The following RDH13 variants were observed in gnomAD, a reference collection of about 807,000 sequenced individuals.
RDH13 encodes the protein retinol dehydrogenase 13 (all-trans and 9-cis).
In RDH13, 35 loss-of-function variants were observed where a neutral mutation model predicts 28.3. The observed-to-expected ratio is 1.24, with a 90% CI of 0.95 to 1.64. The LOEUF is 1.64. Ranked by LOEUF, RDH13 falls within the 40% of genes most tolerant of loss-of-function variation. The pLI is 0.00. For synonymous variants in RDH13, 229 were observed against 198.5 expected (o/e 1.15, Z -1.29); for missense variants, 514 against 446.3 (o/e 1.15, Z -1.37).
At position 55,048,276 on chromosome 19, in the gene RDH13, C is replaced by T. The variant is rs578096263; in HGVS notation, c.658+53G>A. On this transcript the variant is annotated intron_variant, in intron 5 of 6. Coordinates refer to ENST00000415061, the MANE Select transcript of RDH13 (RefSeq NM_001145971.2). ...CATCAGCCTAGGATCATGGAAAGGCCGCTCTAGGCTCAGAGTAAAGCAAGA... is the reference window on the plus strand; with the variant it reads ...CATCAGCCTAGGATCATGGAAAGGCTGCTCTAGGCTCAGAGTAAAGCAAGA... 159 of 1,607,618 alleles carry T rather than the reference C, an allele frequency of 9.9e-5. No homozygotes were observed. The African/African-American group carries it at 1.2e-3, about 13-fold the overall frequency.
intron 3 of RDH13, among the ~76,000 whole-genome samples, chr19:55,049,092 T>C (rs957111681): frequency 6.6e-6 from 1 of 151,992 alleles, no homozygotes; most frequent in African/African-American, 2.4e-5. Context: ...TTATGGCCCG[T>C]CTCACAGGTC....
At chr19:55,062,552 C>T (rs2075839324) in intron 1 of RDH13, among the ~76,000 whole-genome samples, 1 of 151,822 alleles carries the variant, frequency 6.6e-6, no homozygotes, top group African/African-American at 2.4e-5. Flanking sequence ...CGTGGTGGCG[C>T]ACGTGTGATC....
At chr19:55,050,113 T>A (rs10426936) in intron 3 of RDH13, among the ~76,000 whole-genome samples, 10,918 of 63,762 alleles carry the variant, frequency 0.17, 555 homozygotes, top group East Asian at 0.46. Context: ...CCCCAGCCTA[T>A]TTTTTTTTTT....
At chr19:55,055,736 C>T (rs1314388176) in intron 3 of RDH13, among the ~76,000 whole-genome samples, 1 of 151,896 alleles carries the variant, frequency 6.6e-6, no homozygotes, top group African/African-American at 2.4e-5. Context: ...GCCTGTACTC[C>T]CAGCTACTTG....
In RDH13 at chr19:55,056,389, C is replaced by A. The variant is rs145073843; in HGVS notation, c.340+264G>T. On this transcript the variant is annotated intron_variant, in intron 3 of 6. Coordinates refer to ENST00000415061, the MANE Select transcript of RDH13 (RefSeq NM_001145971.2). Reference sequence around the variant, plus strand: ...GAGGTCCGCGCTTGAACCCAGGAGGCAGAGGTTACAGTGAGCCGAGATCGC... The same window carrying A: ...GAGGTCCGCGCTTGAACCCAGGAGGAAGAGGTTACAGTGAGCCGAGATCGC... 6.9e-3 allele frequency among the ~76,000 whole-genome samples: 1,049 copies of A among 152,180 alleles called. 13 individuals are homozygous for A. Among genetic ancestry groups the A allele is most frequent in the African/African-American group, 0.023 (953 of 41,530 alleles).
chr19:55,064,832 C>T (rs75323167), upstream of RDH13, among the ~76,000 whole-genome samples: 5 of 119,162 alleles, frequency 4.2e-5, no homozygotes, highest in African/African-American at 6.3e-5. Context: ...AGGTTGGTCT[C>T]AAACTCCTGA....
chr19:55,053,773 G>A (rs981466828), intron 3 of RDH13: 1 of 152,124 alleles, frequency 6.6e-6, no homozygotes, highest in Non-Finnish European at 1.5e-5. Flanking sequence ...GTGTCCAGCC[G>A]GGGTCCTCAC....
rs543677278 is a variant in RDH13, at chr19:55,049,018, G to A, written c.341-255C>T. Among the ~76,000 whole-genome samples, 57 of 152,226 alleles carry A rather than the reference G, an allele frequency of 3.7e-4. 1 individual carries two copies. The South Asian group carries it at 0.011, about 28-fold the overall frequency. ...CCATGTGTGGACAGAGGCAAAGACC[G>A]GAGAGGCACAGCTCCAAGGTGAGGG... On this transcript the variant is annotated intron_variant, in intron 3 of 6. Coordinates refer to ENST00000415061, the MANE Select transcript of RDH13 (RefSeq NM_001145971.2).
chr19:55,042,227 C>T (rs1182156486), downstream of RDH13: 2 of 152,046 alleles, frequency 1.3e-5, no homozygotes, highest in Non-Finnish European at 2.9e-5. Flanking sequence ...GCTAGGAGGG[C>T]CACCTAACAT....
chr19:55,066,437 T>TTCTCTCCCTC, upstream of RDH13, among the ~76,000 whole-genome samples: 1 of 145,542 alleles, frequency 6.9e-6, no homozygotes, highest in Non-Finnish European at 1.5e-5. Context: ...CCTCTCTGTC[T>TTCTCTCCCTC]TCTCTCCCTC....
chr19:55,065,234 A>C (rs117724155), upstream of RDH13, among the ~76,000 whole-genome samples: 320 of 151,332 alleles, frequency 2.1e-3, no homozygotes, highest in Non-Finnish European at 3.9e-3. Flanking sequence ...AAAATACAAA[A>C]ATTAGCAGGT....
chr19:55,045,826 A>T (rs1057426655), intron 6 of RDH13, among the ~76,000 whole-genome samples: 3 of 151,252 alleles, frequency 2.0e-5, no homozygotes, highest in Non-Finnish European at 4.4e-5. Context: ...GGTGCCTGTA[A>T]TCCCAGCTGC....
upstream of RDH13, among the ~76,000 whole-genome samples, chr19:55,065,981 G>A (rs2075952440): frequency 6.6e-6 from 1 of 152,200 alleles, no homozygotes; most frequent in Non-Finnish European, 1.5e-5. Flanking sequence ...GCCTCCCAAA[G>A]TGCTGGGATT....
At position 55,047,433 on chromosome 19, in the gene RDH13, G is replaced by A; in HGVS notation, c.714C>T (p.Gly238=). Reference sequence around the variant, plus strand: ...TGGAGCCATGGATGCCCGTGTGTCTGCCCAGCTCTGTCCTGGCCACGCCGG... The same window carrying A: ...TGGAGCCATGGATGCCCGTGTGTCTACCCAGCTCTGTCCTGGCCACGCCGG... ...LHPGVARTEL[G]RHTGIHGSTF... is the part of the protein sequence containing the mutation. The change falls in exon 6 of 7, where the codon GGC becomes GGT. Residue 238 remains glycine, a synonymous_variant. Transcript: ENST00000415061. 6.2e-7 allele frequency: 1 copy of A among 1,611,388 alleles called. No individual in the cohort carries two copies. The highest frequency in any genetic ancestry group is 8.5e-7 in the Non-Finnish European group (1 of 1,179,952).
At chr19:55,053,431 G>A (rs994710423) in intron 3 of RDH13, among the ~76,000 whole-genome samples, 3 of 151,798 alleles carry the variant, frequency 2.0e-5, no homozygotes, top group Admixed American at 1.3e-4. Flanking sequence ...CGAGGTGGCT[G>A]GATCATGAGG....
intron 3 of RDH13, chr19:55,053,880 A>C (rs1287466089): frequency 4.6e-5 from 7 of 152,282 alleles, no homozygotes; most frequent in Admixed American, 2.0e-4. Flanking sequence ...AGTGTGCATG[A>C]AGGTGACAGT....
At chr19:55,055,591 G>A (rs1161365461) in intron 3 of RDH13, among the ~76,000 whole-genome samples, 2 of 152,000 alleles carry the variant, frequency 1.3e-5, no homozygotes, top group South Asian at 2.1e-4. Context: ...TGTAATCCCA[G>A]CACTGTGGGA....
Position 55,045,160 on chromosome 19 carries a change from C to T in RDH13, c.910G>A (p.Glu304Lys), listed in dbSNP as rs1384442115. 6.2e-6 allele frequency: 10 copies of T among 1,613,642 alleles called. No homozygotes were observed. Among genetic ancestry groups the T allele is most frequent in the Non-Finnish European group, 8.5e-6 (10 of 1,180,038 alleles). ...KAPAPEAEDE[E>K]VARRLWAESA... is the part of the protein sequence containing the mutation. The stretch of plus-strand genomic sequence containing the variant: ...TCAGCCCAAAGCCTCCGGGCCACCT[C>T]CTCATCCTCAGCCTCGGGGGCCGGG... Residue 304 changes from glutamate (E) to lysine (K), a missense_variant, in exon 7 of 7, where the codon GAG becomes AAG. Physicochemically the swap from Glu to Lys is moderately conservative, Grantham distance 56. Transcript: ENST00000415061.
intron 3 of RDH13, among the ~76,000 whole-genome samples, chr19:55,049,663 C>T (rs2075362887): frequency 2.0e-5 from 3 of 152,046 alleles, no homozygotes; most frequent in South Asian, 4.1e-4. Flanking sequence ...GTGGCATGCA[C>T]CTGTAATCCC....
Sources: allele counts gnomAD v4.1 joint callset (sites outside exome capture counted in the v4.1 genomes callset), GRCh38; gene constraint gnomAD v4.1.1; transcripts MANE v1.5; gene names NCBI Gene and HGNC (gene_info 2026-07-23, HGNC 2026-07-21).